SHC3: variants seen among roughly 807,000 people sequenced by gnomAD.
SHC3 encodes the protein SHC adaptor protein 3.
In SHC3, 15 loss-of-function variants were observed where a neutral mutation model predicts 60.4. That is an observed-to-expected ratio of 0.25 (90% CI 0.17 to 0.38). The LOEUF is 0.38. SHC3 is among the 10% of genes least tolerant of loss of function. The probability of loss-of-function intolerance (pLI) is 1.00; values close to 1 mark genes in which losing one functional copy is unlikely to be tolerated. For missense variants in SHC3, 677 were observed against 786.1 expected (o/e 0.86, Z 1.66); for synonymous variants, 294 against 325.9 (o/e 0.90, Z 1.05).
intron 8 of SHC3, 55 bp downstream of exon 8, chr9:89,046,789 A>G (rs1824781465): frequency 1.4e-6 from 2 of 1,409,142 alleles, no homozygotes; most frequent in East Asian, 5.2e-5. Flanking sequence ...AACAAAAGGA[A>G]ATAAAGTAGA....
intron 2 of SHC3, among the ~76,000 whole-genome samples, chr9:89,080,860 G>A (rs1353752249): frequency 2.0e-5 from 3 of 149,914 alleles, no homozygotes; most frequent in East Asian, 3.9e-4. Context: ...TCCGCCTCCC[G>A]GGTTCACGCC....
At chr9:89,136,473 G>T (rs558736908) in intron 1 of SHC3, among the ~76,000 whole-genome samples, 2 of 152,218 alleles carry the variant, frequency 1.3e-5, no homozygotes, top group Non-Finnish European at 2.9e-5. Context: ...CCTCCTCACT[G>T]CTACATTCCC....
rs747282888 is a variant in SHC3 at position 89,083,217 on chromosome 9, A to T, written c.546-5314T>A. On this transcript the variant is annotated intron_variant, in intron 2 of 11. Transcript: ENST00000375835. ...ATAACACAGTCACACGTGTACTATG[A>T]AGGACTGGAGTGTGCAATTCTACCT... 6.3e-4 allele frequency among the ~76,000 whole-genome samples: 96 copies of T among 152,322 alleles called. 1 individual carries two copies. The highest frequency in any genetic ancestry group is 1.1e-3 in the Non-Finnish European group (77 of 68,030).
At chr9:89,036,221 A>C (rs1421262897) in intron 11 of SHC3, among the ~76,000 whole-genome samples, 1 of 152,220 alleles carries the variant, frequency 6.6e-6, no homozygotes, top group Admixed American at 6.5e-5. Flanking sequence ...AAGTCAAAAG[A>C]AAAACATGGA....
chr9:89,139,711 C>G (rs1826366031), intron 1 of SHC3, among the ~76,000 whole-genome samples: 1 of 152,184 alleles, frequency 6.6e-6, no homozygotes, highest in Admixed American at 6.5e-5. Context: ...CTTTTATTAG[C>G]TTTACAAATC....
chr9:89,130,452 C>G (rs1826227949), intron 1 of SHC3, among the ~76,000 whole-genome samples: 1 of 152,210 alleles, frequency 6.6e-6, no homozygotes, highest in African/African-American at 2.4e-5. Context: ...CCCAAATCAA[C>G]AGAATATACA....
chr9:89,087,528 A>C (rs1825551516), intron 2 of SHC3, among the ~76,000 whole-genome samples: 1 of 152,162 alleles, frequency 6.6e-6, no homozygotes, highest in South Asian at 2.1e-4. Context: ...TGTGGGAGGG[A>C]GAGCCAGGGG....
intron 1 of SHC3, among the ~76,000 whole-genome samples, chr9:89,121,638 T>G (rs1456123846): frequency 6.6e-6 from 1 of 152,172 alleles, no homozygotes; most frequent in Admixed American, 6.5e-5. Flanking sequence ...ACACAGTCAA[T>G]GTTGTGATAC....
At chr9:89,014,917 A>C (rs942904127) in intron 11 of SHC3, among the ~76,000 whole-genome samples, 2 of 152,306 alleles carry the variant, frequency 1.3e-5, no homozygotes, top group African/African-American at 2.4e-5. Context: ...CTGAAGGAAC[A>C]GAAAAACTTT....
At chr9:89,177,743 A>C (rs1363420458) in intron 1 of SHC3, among the ~76,000 whole-genome samples, 1 of 152,242 alleles carries the variant, frequency 6.6e-6, no homozygotes, top group African/African-American at 2.4e-5. Context: ...GAGCCTAGGG[A>C]AAACCGGGAC....
At chr9:89,013,708 C>G in intron 11 of SHC3, 133 bp from the exon 12 acceptor site, 20 of 1,294,494 alleles carry the variant, frequency 1.5e-5, no homozygotes, top group Non-Finnish European at 2.1e-5. Flanking sequence ...GCTTCCACCA[C>G]TTTAGAGATG....
intron 1 of SHC3, among the ~76,000 whole-genome samples, chr9:89,174,801 T>C (rs570557306): frequency 6.6e-6 from 1 of 152,338 alleles, no homozygotes; most frequent in Non-Finnish European, 1.5e-5. Flanking sequence ...AGGCTGTGCT[T>C]GTCTTCAGAT....
At chr9:89,138,684 T>G (rs1393471651) in intron 1 of SHC3, among the ~76,000 whole-genome samples, 2 of 152,150 alleles carry the variant, frequency 1.3e-5, no homozygotes, top group Non-Finnish European at 2.9e-5. Context: ...CAAGATGGAG[T>G]TGCTCTGGTT....
chr9:89,050,674 G>A (rs1824847852), intron 7 of SHC3, among the ~76,000 whole-genome samples: 1 of 152,058 alleles, frequency 6.6e-6, no homozygotes, highest in Non-Finnish European at 1.5e-5. Context: ...TTCATAAATG[G>A]TTCATATCCT....
intron 1 of SHC3, among the ~76,000 whole-genome samples, chr9:89,172,616 C>T (rs751788403): frequency 4.6e-5 from 7 of 151,888 alleles, no homozygotes; most frequent in Non-Finnish European, 1.0e-4. Context: ...CGATGGTCAA[C>T]ATCCACCCAC....
chr9:89,018,673 G>GTTT (rs747693410), intron 11 of SHC3, among the ~76,000 whole-genome samples: 62 of 147,378 alleles, frequency 4.2e-4, no homozygotes, highest in African/African-American at 1.5e-3. Flanking sequence ...TGATAAAGTA[G>GTTT]TTTTTTTTTC....
At chr9:89,030,604 A>C (rs1343155504) in intron 11 of SHC3, among the ~76,000 whole-genome samples, 1 of 152,244 alleles carries the variant, frequency 6.6e-6, no homozygotes, top group South Asian at 2.1e-4. Context: ...GGGTCACTCC[A>C]TAAGGAAGAT....
rs1587743630 is a variant in SHC3, at chr9:89,130,595, C to T, written c.475-17969G>A. 2.0e-5 allele frequency among the ~76,000 whole-genome samples: 3 copies of T among 152,302 alleles called. No individual in the cohort carries two copies. The South Asian group carries it at 6.2e-4, about 32-fold the overall frequency. On this transcript the variant is annotated intron_variant, in intron 1 of 11. Coordinates refer to ENST00000375835, the MANE Select transcript of SHC3 (RefSeq NM_016848.6). Reference sequence around the variant, plus strand: ...AGACCACAGTGCAATCAAACTACAACTCAGGATTAAGAAACTCACTCAAAA... The same window carrying T: ...AGACCACAGTGCAATCAAACTACAATTCAGGATTAAGAAACTCACTCAAAA...
At chr9:89,127,783 C>G (rs796099139) in intron 1 of SHC3, among the ~76,000 whole-genome samples, 2 of 150,088 alleles carry the variant, frequency 1.3e-5, no homozygotes, top group Non-Finnish European at 2.9e-5. Flanking sequence ...CACTCCACCC[C>G]CCCCCACCAC....
Sources: allele counts gnomAD v4.1 joint callset (sites outside exome capture counted in the v4.1 genomes callset), GRCh38; gene constraint gnomAD v4.1.1; transcripts MANE v1.5; gene names NCBI Gene and HGNC (gene_info 2026-07-23, HGNC 2026-07-21).